Variants in MCTP2 observed in about 807,000 individuals in gnomAD.
MCTP2 encodes the protein multiple C2 and transmembrane domain-containing protein 2.
MCTP2 carries 132 observed loss-of-function variants against 111.6 expected under a neutral mutation model. The observed-to-expected ratio is 1.18, with a 90% CI of 1.03 to 1.37. The LOEUF (loss-of-function observed/expected upper bound fraction) is 1.37. Among genes scored for constraint, MCTP2 ranks in the 40% most tolerant of loss-of-function variants. The pLI, the probability that MCTP2 is intolerant of heterozygous loss-of-function variation, is 0.00. For synonymous variants in MCTP2, 395 were observed against 387.7 expected (o/e 1.02, Z -0.22); for missense variants, 1,183 against 1,067.9 (o/e 1.11, Z -1.50).
chr15:94,359,472 A>G (rs531077922), intron 10 of MCTP2, among the ~76,000 whole-genome samples: 41 of 152,222 alleles, frequency 2.7e-4, no homozygotes, highest in African/African-American at 8.7e-4. Context: ...AGGGATCCCA[A>G]CCACTACGGG....
intron 4 of MCTP2, among the ~76,000 whole-genome samples, chr15:94,329,181 T>C (rs1160490357): frequency 3.3e-5 from 5 of 152,054 alleles, no homozygotes; most frequent in Admixed American, 3.3e-4. Context: ...ACCACAGAAT[T>C]TGGGGGCTAT....
intron 1 of MCTP2, chr15:94,278,409 C>CT (rs2074318820): frequency 6.6e-6 from 1 of 152,104 alleles, no homozygotes; most frequent in Non-Finnish European, 1.5e-5. Context: ...GTAAAGGGTG[C>CT]TTTACAATTA....
intron 7 of MCTP2, chr15:94,341,540 A>G (rs2077641075): frequency 6.6e-6 from 1 of 152,240 alleles, no homozygotes; most frequent in Non-Finnish European, 1.5e-5. Flanking sequence ...CATGTTTATA[A>G]TCCAATATAA....
intron 4 of MCTP2, among the ~76,000 whole-genome samples, chr15:94,316,488 G>T (rs773270636): frequency 1.3e-5 from 2 of 152,194 alleles, no homozygotes; most frequent in Non-Finnish European, 2.9e-5. Context: ...GAGAAATGTT[G>T]CTTGACCACT....
At chr15:94,327,897 T>C (rs755052713) in intron 4 of MCTP2, among the ~76,000 whole-genome samples, 1 of 152,194 alleles carries the variant, frequency 6.6e-6, no homozygotes, top group Non-Finnish European at 1.5e-5. Context: ...TCAGAATGTC[T>C]TGATGCTTTG....
At chr15:94,334,094 C>T (rs1390939162) in intron 4 of MCTP2, among the ~76,000 whole-genome samples, 1 of 152,102 alleles carries the variant, frequency 6.6e-6, no homozygotes. Context: ...ACACTCTTCC[C>T]CTTTATAACT....
At chr15:94,402,496 A>G (rs1222550155) in intron 17 of MCTP2, 2 of 1,551,806 alleles carry the variant, frequency 1.3e-6, no homozygotes. Flanking sequence ...CACCGCAAAG[A>G]GGAACCACCC....
chr15:94,270,638 C>A (rs1244560131), intron 1 of MCTP2, among the ~76,000 whole-genome samples: 1 of 152,176 alleles, frequency 6.6e-6, no homozygotes, highest in Non-Finnish European at 1.5e-5. Flanking sequence ...CCCTATCCCC[C>A]TCTCCTGGCC....
In MCTP2 at chr15:94,442,124, T is replaced by G. The variant is rs1301082559; in HGVS notation, c.2209-795T>G. Among the ~76,000 whole-genome samples the G allele has an allele frequency of 7.2e-5, 11 of 152,226 alleles. 1 individual carries two copies. Among genetic ancestry groups the G allele is most frequent in the Admixed American group, 7.2e-4 (11 of 15,288 alleles). ...AACAGCGTGCCTGACCTTTGCAAGG[T>G]TAAGCAGAAATGCAAGTGTTCAAGC... On this transcript the variant is annotated intron_variant, in intron 18 of 22. Transcript: ENST00000357742.
chr15:94,257,566 G>GTTGTTTT (rs2072871015), intron 1 of MCTP2, among the ~76,000 whole-genome samples: 4 of 73,004 alleles, frequency 5.5e-5, no homozygotes, highest in African/African-American at 1.0e-4. Flanking sequence ...CATTTTCTTT[G>GTTGTTTT]TTGTTTTTTT....
chr15:94,472,144 G>A (rs188631659), intron 21 of MCTP2, among the ~76,000 whole-genome samples: 14 of 152,308 alleles, frequency 9.2e-5, no homozygotes, highest in Middle Eastern at 3.4e-3. Context: ...TTGGGAGGCC[G>A]AGGCGGGCAG....
intron 2 of MCTP2, among the ~76,000 whole-genome samples, chr15:94,306,044 T>G (rs2075864750): frequency 6.6e-6 from 1 of 152,148 alleles, no homozygotes; most frequent in African/African-American, 2.4e-5. Context: ...AAATTGGGAT[T>G]AGACACAGAC....
intron 12 of MCTP2, among the ~76,000 whole-genome samples, chr15:94,381,161 A>T (rs2080114589): frequency 6.6e-6 from 1 of 152,212 alleles, no homozygotes. Flanking sequence ...TGGACATTTC[A>T]TTTATTATGA....
chr15:94,467,228 ATTATAGGC>A (rs1334174415), intron 20 of MCTP2, among the ~76,000 whole-genome samples: 1 of 152,180 alleles, frequency 6.6e-6, no homozygotes, highest in Non-Finnish European at 1.5e-5. Context: ...CTATTTTTAC[ATTATAGGC>A]TACAAAGTTA....
chr15:94,346,591 A>C (rs1252997818), intron 8 of MCTP2, among the ~76,000 whole-genome samples: 1 of 152,160 alleles, frequency 6.6e-6, no homozygotes, highest in Non-Finnish European at 1.5e-5. Flanking sequence ...TCGTTTATTG[A>C]TTCTGCTGCT....
intron 20 of MCTP2, among the ~76,000 whole-genome samples, chr15:94,460,775 T>C (rs936803010): frequency 6.6e-6 from 1 of 152,224 alleles, no homozygotes; most frequent in Non-Finnish European, 1.5e-5. Context: ...AACAGAGTAC[T>C]GTTCTGCCCA....
chr15:94,270,498 A>G (rs2073849349), intron 1 of MCTP2, among the ~76,000 whole-genome samples: 1 of 152,134 alleles, frequency 6.6e-6, no homozygotes, highest in Non-Finnish European at 1.5e-5. Context: ...AGACTGGCCT[A>G]CATGGACCTG....
intron 16 of MCTP2, among the ~76,000 whole-genome samples, chr15:94,400,527 G>C (rs541762084): frequency 2.6e-5 from 4 of 151,840 alleles, no homozygotes; most frequent in African/African-American, 9.7e-5. Flanking sequence ...CTCTCCCTCT[G>C]CCTATTGCCC....
chr15:94,289,730 G>T (rs142494595), intron 1 of MCTP2, among the ~76,000 whole-genome samples: 1 of 152,118 alleles, frequency 6.6e-6, no homozygotes, highest in Admixed American at 6.5e-5. Flanking sequence ...TGGGAGAAGA[G>T]ACCTATACGC....
Sources: gnomAD v4.1 joint callset for allele counts (sites outside exome capture counted in the v4.1 genomes callset) on GRCh38, gnomAD v4.1.1 for gene constraint, MANE v1.5 for transcripts, NCBI Gene and HGNC (gene_info 2026-07-23, HGNC 2026-07-21) for gene names.